Variants in RUBCN observed in about 807,000 individuals in gnomAD.
RUBCN encodes the protein run domain Beclin-1-interacting and cysteine-rich domain-containing protein.
A neutral mutation model predicts 113.2 loss-of-function variants in RUBCN; 74 were observed. The ratio of observed to expected loss-of-function variants is 0.65; its 90% confidence interval spans 0.54 to 0.79. The LOEUF is 0.79. Ranked by LOEUF, RUBCN falls within the 30% of genes least tolerant of loss-of-function variation. RUBCN has a pLI of 0.00. For synonymous variants in RUBCN, 480 were observed against 490.0 expected (o/e 0.98, Z 0.27); for missense variants, 1,109 against 1,251.7 (o/e 0.89, Z 1.72).
At chr3:197,705,625 A>G (rs1014315986) in intron 2 of RUBCN, among the ~76,000 whole-genome samples, 11 of 152,008 alleles carry the variant, frequency 7.2e-5, no homozygotes, top group Non-Finnish European at 1.5e-4. Context: ...TACACTTGAC[A>G]TATGTTTACC....
chr3:197,690,214 C>A (rs1467544406), intron 11 of RUBCN, among the ~76,000 whole-genome samples: 1 of 152,186 alleles, frequency 6.6e-6, no homozygotes, highest in South Asian at 2.1e-4. Context: ...CCGAGGCAGG[C>A]AGATGACGAG....
intron 1 of RUBCN, among the ~76,000 whole-genome samples, chr3:197,723,958 C>T (rs1373778916): frequency 3.3e-5 from 5 of 152,080 alleles, no homozygotes; most frequent in African/African-American, 1.2e-4. Flanking sequence ...ATTAGCCAGG[C>T]GTGGTGGCAC....
chr3:197,744,452 C>T (rs954155184), intron 1 of RUBCN, among the ~76,000 whole-genome samples: 4 of 152,132 alleles, frequency 2.6e-5, no homozygotes, highest in African/African-American at 9.7e-5. Context: ...TCAGATAAAA[C>T]TCAGCATTTA....
chr3:197,737,755 A>C (rs1222435862), upstream of RUBCN, among the ~76,000 whole-genome samples: 1 of 152,204 alleles, frequency 6.6e-6, no homozygotes, highest in Non-Finnish European at 1.5e-5. Flanking sequence ...GGCAGATATA[A>C]TACTATATTG....
chr3:197,722,339 C>T (rs1334302599), intron 1 of RUBCN, among the ~76,000 whole-genome samples: 1 of 151,962 alleles, frequency 6.6e-6, no homozygotes, highest in Non-Finnish European at 1.5e-5. Flanking sequence ...TATCATATAT[C>T]CTGGAGATGG....
chr3:197,682,574 G>C lies in RUBCN; in HGVS notation c.2022C>G (p.Asp674Glu). 6.2e-7 allele frequency: 1 copy of C among 1,614,122 alleles called. No individual in the cohort carries two copies. Among genetic ancestry groups the C allele is most frequent in the African/African-American group, 1.3e-5 (1 of 75,034 alleles). The change falls in exon 14 of 20, where the codon GAC becomes GAG. Residue 674 changes from aspartate to glutamate, a missense_variant. Physicochemically the swap from Asp to Glu is conservative, Grantham distance 45 (BLOSUM62 2). This residue lies in a region of RUBCN where 67 missense variants were observed against 123.2 expected (regional missense o/e 0.54). Transcript: ENST00000296343. ...GCTTGTAGATGTCAGCGTGCTGCCC[G>C]TCATCCGGTGAGATGGGCAGTGAGT... ...IPDSLPISPD[D>E]GQHADIYKLR...
intron 5 of RUBCN, 107 bp from the exon 6 acceptor site, chr3:197,701,971 T>C: frequency 9.8e-7 from 1 of 1,021,958 alleles, no homozygotes; most frequent in Non-Finnish European, 1.5e-6. Context: ...ACCTTTGCAG[T>C]AGGCCTGGAC....
chr3:197,747,931 T>G (rs1476697744), intron 1 of RUBCN, among the ~76,000 whole-genome samples: 1 of 146,536 alleles, frequency 6.8e-6, no homozygotes, highest in African/African-American at 2.5e-5. Context: ...TTTCTGTAGT[T>G]TTTTTTTTTT....
upstream of RUBCN, among the ~76,000 whole-genome samples, chr3:197,741,091 G>GC (rs1560483385): frequency 6.6e-6 from 1 of 152,114 alleles, no homozygotes; most frequent in Non-Finnish European, 1.5e-5. Context: ...CTCTACATTT[G>GC]CAAGTTTAAA....
rs1723699773 is a variant in RUBCN, at chr3:197,701,738, G to A, written c.697C>T (p.Leu233Phe). The part of the protein sequence containing the change: ...QHSYFGSFSS[L>F]HQSVPNNGSE... ...CCATTGTTGGGCACGGATTGGTGGAGGCTAGAGAAGGACCCAAAGTAGGAA... is the reference window on the plus strand; with the variant it reads ...CCATTGTTGGGCACGGATTGGTGGAAGCTAGAGAAGGACCCAAAGTAGGAA... The change falls in exon 6 of 20, where the codon CTC becomes TTC. Residue 233 changes from leucine to phenylalanine, a missense_variant. Leu to Phe is a conservative substitution (Grantham distance 22). Coordinates refer to ENST00000296343, the MANE Select transcript of RUBCN (RefSeq NM_014687.4). The A allele has an allele frequency of 1.9e-6, 3 of 1,614,046 alleles. No individual in the cohort carries two copies. The highest frequency in any genetic ancestry group is 2.5e-6 in the Non-Finnish European group (3 of 1,179,996).
At chr3:197,703,802 G>T (rs544165044) in intron 4 of RUBCN, 148 bp from the exon 5 acceptor site, 10 of 679,658 alleles carry the variant, frequency 1.5e-5, no homozygotes, top group South Asian at 1.4e-4. Context: ...TGAAGAACGC[G>T]AGGTGCAGCA....
chr3:197,694,345 G>A, intron 10 of RUBCN, 30 bp downstream of exon 10: 1 of 1,603,190 alleles, frequency 6.2e-7, no homozygotes, highest in Non-Finnish European at 8.5e-7. Context: ...GGAAAATGTG[G>A]GAACAGAAGC....
intron 2 of RUBCN, among the ~76,000 whole-genome samples, chr3:197,715,134 ACAAAAC>A (rs1580320645): frequency 1.3e-5 from 2 of 152,100 alleles, no homozygotes; most frequent in East Asian, 3.9e-4. Flanking sequence ...TACTAAAAAC[ACAAAAC>A]TGGCTGGGCG....
chr3:197,701,744 A>G lies in RUBCN; in HGVS notation c.691T>C (p.Ser231Pro). The stretch of plus-strand genomic sequence containing the variant: ...TTGGGCACGGATTGGTGGAGGCTAG[A>G]GAAGGACCCAAAGTAGGAATGCTGA... Reference protein sequence around the residue: ...YAQHSYFGSFSSLHQSVPNNG... With the variant: ...YAQHSYFGSFPSLHQSVPNNG... Residue 231 changes from serine to proline, a missense_variant, in exon 6 of 20, where the codon TCT becomes CCT. Coordinates refer to ENST00000296343, the MANE Select transcript of RUBCN (RefSeq NM_014687.4). The G allele has an allele frequency of 1.2e-6, 2 of 1,614,152 alleles. No homozygotes were observed. The highest frequency in any genetic ancestry group is 1.7e-6 in the Non-Finnish European group (2 of 1,180,012).
At chr3:197,686,645 G>C (rs1721885388) in intron 11 of RUBCN, among the ~76,000 whole-genome samples, 1 of 152,236 alleles carries the variant, frequency 6.6e-6, no homozygotes, top group African/African-American at 2.4e-5. Flanking sequence ...AGAGAACTGA[G>C]GAGTGAAGAG....
At chr3:197,691,549 G>C (rs1218688548) in intron 11 of RUBCN, among the ~76,000 whole-genome samples, 1 of 152,110 alleles carries the variant, frequency 6.6e-6, no homozygotes, top group Non-Finnish European at 1.5e-5. Flanking sequence ...GGAAACCCCG[G>C]CCTAAGGTCT....
intron 1 of RUBCN, among the ~76,000 whole-genome samples, chr3:197,734,658 C>T (rs950981524): frequency 5.3e-5 from 8 of 152,134 alleles, no homozygotes; most frequent in African/African-American, 1.9e-4. Flanking sequence ...GCATTTGTTA[C>T]ATACATTAAA....
rs1260148102 is a variant in RUBCN at position 197,671,046 on chromosome 3, C to G, written c.*3972G>C. On this transcript the variant is annotated 3_prime_UTR_variant, in exon 20 of 20. Transcript: ENST00000296343. ...GTTTTGTTTTTTTGAGACAGGGTCTCGCTCTTCATCCAGGATGGAGTGCAA... is the reference window on the plus strand; with the variant it reads ...GTTTTGTTTTTTTGAGACAGGGTCTGGCTCTTCATCCAGGATGGAGTGCAA... Among the ~76,000 whole-genome samples the G allele has an allele frequency of 6.6e-6, 1 of 152,108 alleles. No homozygotes were observed. The highest frequency in any genetic ancestry group is 1.9e-4 in the East Asian group (1 of 5,196).
intron 1 of RUBCN, among the ~76,000 whole-genome samples, chr3:197,724,277 T>C (rs1343818185): frequency 6.6e-6 from 1 of 152,114 alleles, no homozygotes; most frequent in Non-Finnish European, 1.5e-5. Flanking sequence ...TTATAATAAG[T>C]AACACTCAAG....
Sources: allele counts gnomAD v4.1 joint callset (sites outside exome capture counted in the v4.1 genomes callset), GRCh38; gene constraint gnomAD v4.1.1; regional missense constraint gnomAD v4.1.1; transcripts MANE v1.5; gene names NCBI Gene and HGNC (gene_info 2026-07-23, HGNC 2026-07-21).